The following DVL3 variants were observed in gnomAD, a reference collection of about 807,000 sequenced individuals.
DVL3 encodes the protein segment polarity protein dishevelled homolog DVL-3.
DVL3 carries 27 observed loss-of-function variants against 67.4 expected under a neutral mutation model. The ratio of observed to expected loss-of-function variants is 0.40; its 90% CI spans 0.30 to 0.55. The LOEUF (loss-of-function observed/expected upper bound fraction) is 0.55. DVL3 is among the 20% of genes least tolerant of loss of function. The pLI is 0.46. For missense variants in DVL3, 819 were observed against 1,021.5 expected (o/e 0.80, Z 2.70); for synonymous variants, 369 against 396.8 (o/e 0.93, Z 0.83).
Position 184,170,049 on chromosome 3 carries a change from C to T in DVL3, c.1542C>T (p.Gly514=), listed in dbSNP as rs781638795. 11 of 1,612,960 alleles carry T rather than the reference C, an allele frequency of 6.8e-6. No homozygotes were observed. Among genetic ancestry groups the T allele is most frequent in the Admixed American group, 1.7e-5 (1 of 59,900 alleles). ...LSLHDHDGSS[G]ASDQDTLAPL... Reference sequence around the variant, plus strand: ...TCCACGATCACGATGGCTCCAGTGGCGCCTCTGACCAGGACACACTGGCCC... The same window carrying T: ...TCCACGATCACGATGGCTCCAGTGGTGCCTCTGACCAGGACACACTGGCCC... The change falls in exon 14 of 15, where the codon GGC becomes GGT. Residue 514 remains glycine (G), a synonymous_variant. Coordinates refer to ENST00000313143, the MANE Select transcript of DVL3 (RefSeq NM_004423.4). This position sits in a 1 kb window ranked among gnomAD's most constrained non-coding sequence, Gnocchi z 6.5.
At position 184,170,231 on chromosome 3, in the gene DVL3, A is replaced by T; in HGVS notation, c.1714+10A>T. 1 of 1,611,902 alleles carries T rather than the reference A, an allele frequency of 6.2e-7. No homozygotes were observed. Among genetic ancestry groups the T allele is most frequent in the Non-Finnish European group, 8.5e-7 (1 of 1,179,432 alleles). ...AGTCAGCACAGCGAAGGTAAGGTAG[A>T]GGGGCCGTGGAGGAAGGCTATAGGT... On this transcript the variant is annotated intron_variant, in intron 14 of 14. Coordinates refer to ENST00000313143, the MANE Select transcript of DVL3 (RefSeq NM_004423.4). This position sits in a 1 kb window ranked among gnomAD's most constrained non-coding sequence, Gnocchi z 6.5.
rs1481547575 is a variant in DVL3, at chr3:184,156,318, G to T, written c.161+522G>T. The T allele has an allele frequency of 6.6e-6, 3 of 456,134 alleles. No individual in the cohort carries two copies. The East Asian group carries it at 2.1e-4, about 32-fold the overall frequency. 28.3% of individuals were successfully genotyped at this position (456,134 alleles called of 1,614,324 possible). On this transcript the variant is annotated intron_variant, in intron 1 of 14. Transcript: ENST00000313143. Reference sequence around the variant, plus strand: ...GGAGGGGTGTCGGGGGTGCTCGGGCGCCTGGCCGCGAGCGGGGTCTGCAGA... The same window carrying T: ...GGAGGGGTGTCGGGGGTGCTCGGGCTCCTGGCCGCGAGCGGGGTCTGCAGA...
rs886589871 is a variant in DVL3, at chr3:184,163,256, C to T, written c.162-401C>T. On this transcript the variant is annotated intron_variant, in intron 1 of 14. Coordinates refer to ENST00000313143, the MANE Select transcript of DVL3 (RefSeq NM_004423.4). The surrounding 1 kb of genome is among the most constrained non-coding windows in gnomAD (Gnocchi z 4.5). ...TCCCACAACAATGTTAGGATTCCCA[C>T]TTAAGAAAGGAAGGACAGTTATAAT... 1.3e-5 allele frequency among the ~76,000 whole-genome samples: 2 copies of T among 152,152 alleles called. No homozygotes were observed. The highest frequency in any genetic ancestry group is 3.8e-4 in the East Asian group (2 of 5,200).
Position 184,167,505 on chromosome 3 carries a change from G to A in DVL3, c.1199-75G>A. 3 of 1,415,752 alleles carry A rather than the reference G, an allele frequency of 2.1e-6. No homozygotes were observed. The South Asian group carries it at 3.6e-5, about 17-fold the overall frequency. 87.7% of individuals were successfully genotyped at this position (1,415,752 alleles called of 1,614,324 possible). On this transcript the variant is annotated intron_variant, in intron 11 of 14. Coordinates refer to ENST00000313143, the MANE Select transcript of DVL3 (RefSeq NM_004423.4). The surrounding 1 kb of genome is among the most constrained non-coding windows in gnomAD (Gnocchi z 4.6). ...TTGATCCCATAATTACTAGATGGTA[G>A]AGCTAGAATGCAAACTCTTGTTTAC...
Position 184,167,758 on chromosome 3 carries a change from G to A in DVL3, c.1330+47G>A, listed in dbSNP as rs1409996738. On this transcript the variant is annotated intron_variant, in intron 12 of 14. Transcript: ENST00000313143. The surrounding 1 kb of genome is among the most constrained non-coding windows in gnomAD (Gnocchi z 4.6). ...ATGCAGGGTGGGTGGGGAGTGATGGGGCAGGGCAGGCCGGAGGGCCCAGGA... is the reference window on the plus strand; with the variant it reads ...ATGCAGGGTGGGTGGGGAGTGATGGAGCAGGGCAGGCCGGAGGGCCCAGGA... 2 of 1,591,598 alleles carry A rather than the reference G, an allele frequency of 1.3e-6. No homozygotes were observed. Among genetic ancestry groups the A allele is most frequent in the East Asian group, 2.2e-5 (1 of 44,760 alleles).
Position 184,172,613 on chromosome 3 carries a change from A to C in DVL3, c.*1858A>C, listed in dbSNP as rs918561902. On this transcript the variant is annotated 3_prime_UTR_variant, in exon 15 of 15. Coordinates refer to ENST00000313143, the MANE Select transcript of DVL3 (RefSeq NM_004423.4). ...GATGGGTGTTTTGGCACCTGCCTGT[A>C]ATCTCAGCTACTCAGGAGGCTGAGG... The C allele has an allele frequency of 6.6e-6, 1 of 152,212 alleles. No homozygotes were observed. 9.4% of individuals were successfully genotyped at this position (152,212 alleles called of 1,614,324 possible).
Position 184,165,168 on chromosome 3 carries a change from C to A in DVL3, c.655C>A (p.Arg219=). 1 of 1,603,674 alleles carries A rather than the reference C, an allele frequency of 6.2e-7. No homozygotes were observed. The highest frequency in any genetic ancestry group is 1.1e-5 in the South Asian group (1 of 89,662). ...CTCACGCCTGATGAGAAGACACAAG[C>A]GGCGGCGGCGGAAGCAGAAGGTTTC... ...SASRLMRRHK[R]RRRKQKVSRI... Residue 219 remains arginine, a synonymous_variant, in exon 6 of 15, where the codon CGG becomes AGG. Coordinates refer to ENST00000313143, the MANE Select transcript of DVL3 (RefSeq NM_004423.4). The surrounding 1 kb of genome is among the most constrained non-coding windows in gnomAD (Gnocchi z 4.1).
intron 1 of DVL3, among the ~76,000 whole-genome samples, chr3:184,157,380 T>G (rs1714236096): frequency 6.6e-6 from 1 of 152,170 alleles, no homozygotes; most frequent in Admixed American, 6.5e-5. Context: ...CAGATCCAGA[T>G]GCCTTGAGGG....
rs1300435004 is a variant in DVL3, at chr3:184,164,285, T to C, written c.250T>C (p.Ser84Pro). The C allele has an allele frequency of 1.2e-6, 2 of 1,614,046 alleles. No individual in the cohort carries two copies. The highest frequency in any genetic ancestry group is 1.7e-6 in the Non-Finnish European group (2 of 1,179,958). The change falls in exon 3 of 15, where the codon TCA becomes CCA. Residue 84 changes from serine (S) to proline (P), a missense_variant. By Grantham distance (74) the Ser-to-Pro change is moderately conservative. Transcript: ENST00000313143. This position sits in a 1 kb window ranked among gnomAD's most constrained non-coding sequence, Gnocchi z 5.3. Reference protein sequence around the residue: ...VVSWLVSAEGSHPDPAPFCAD... With the variant: ...VVSWLVSAEGPHPDPAPFCAD... ...CTTTCAGCTGGTGTCAGCTGAGGGC[T>C]CACACCCAGACCCAGCCCCCTTCTG...
chr3:184,162,560 CTTTTTTT>C (rs35869796), intron 1 of DVL3, among the ~76,000 whole-genome samples: 4 of 123,544 alleles, frequency 3.2e-5, no homozygotes, highest in East Asian at 2.3e-4. Flanking sequence ...TTTTTCTTTT[CTTTTTTT>C]TTTTTTTTTT....
intron 13 of DVL3, among the ~76,000 whole-genome samples, chr3:184,168,755 C>G (rs1181629552): frequency 2.6e-5 from 4 of 152,304 alleles, no homozygotes; most frequent in African/African-American, 9.6e-5. Flanking sequence ...GCTCTGGGAC[C>G]TGGTACCGAT....
At position 184,166,363 on chromosome 3, in the gene DVL3, G is replaced by T. The variant is rs1714589616; in HGVS notation, c.904-83G>T. On this transcript the variant is annotated intron_variant, in intron 8 of 14. Transcript: ENST00000313143. The surrounding 1 kb of genome is among the most constrained non-coding windows in gnomAD (Gnocchi z 6.7). ...TTCAGAGGCCCCTTCTTGGTTGGGG[G>T]AAGACTCCCTGACCTACCAAGTTGA... The T allele has an allele frequency of 6.2e-7, 1 of 1,607,776 alleles. No individual in the cohort carries two copies. Among genetic ancestry groups the T allele is most frequent in the East Asian group, 2.2e-5 (1 of 44,800 alleles).
At chr3:184,156,200 G>A (rs907656094) in intron 1 of DVL3, among the ~76,000 whole-genome samples, 1 of 152,048 alleles carries the variant, frequency 6.6e-6, no homozygotes, top group Non-Finnish European at 1.5e-5. Context: ...TGTGGCCCTC[G>A]TTCTTCGCCC....
At chr3:184,158,455 A>G (rs78281562) in intron 1 of DVL3, among the ~76,000 whole-genome samples, 3,116 of 152,272 alleles carry the variant, frequency 0.02, 106 homozygotes, top group African/African-American at 0.071. Context: ...CAAAAATCTA[A>G]ATCCTTAATC....
chr3:184,166,247 A>G lies in DVL3; in HGVS notation c.885A>G (p.Pro295=), dbSNP rs1306714746. The change falls in exon 8 of 15, where the codon CCA becomes CCG. Residue 295 remains proline, a synonymous_variant. Coordinates refer to ENST00000313143, the MANE Select transcript of DVL3 (RefSeq NM_004423.4). This position sits in a 1 kb window ranked among gnomAD's most constrained non-coding sequence, Gnocchi z 6.7. ...TGGCTGCTGATGGACGCATCGAGCC[A>G]GGAGATATGTTGTTACAGGTATCAG... ...GAVAADGRIE[P]GDMLLQVNEI... is the part of the protein sequence containing the mutation. The G allele has an allele frequency of 1.4e-5, 23 of 1,612,850 alleles. No individual in the cohort carries two copies. Among genetic ancestry groups the G allele is most frequent in the East Asian group, 1.1e-4 (5 of 44,876 alleles).
In DVL3 at chr3:184,163,458, G is replaced by A. The variant is rs1401141974; in HGVS notation, c.162-199G>A. Among the ~76,000 whole-genome samples the A allele has an allele frequency of 6.6e-6, 1 of 152,146 alleles. No individual in the cohort carries two copies. Among genetic ancestry groups the A allele is most frequent in the African/African-American group, 2.4e-5 (1 of 41,438 alleles). ...GAGAGGATGCCCCGGGAAGGTATCT[G>A]GCCTAGGCAGGGCTGGTGTCTTCCT... On this transcript the variant is annotated intron_variant, in intron 1 of 14. Coordinates refer to ENST00000313143, the MANE Select transcript of DVL3 (RefSeq NM_004423.4). This position sits in a 1 kb window ranked among gnomAD's most constrained non-coding sequence, Gnocchi z 4.5.
In DVL3 at chr3:184,171,098, T is replaced by G; in HGVS notation, c.*343T>G. On this transcript the variant is annotated 3_prime_UTR_variant, in exon 15 of 15. Transcript: ENST00000313143. ...TGGGAGTTGACCCCAGCAATGACCT[T>G]GGTGGCACGCTCACTCCCTCATTCT... 1 of 1,222,478 alleles carries G rather than the reference T, an allele frequency of 8.2e-7. No homozygotes were observed. The highest frequency in any genetic ancestry group is 1.0e-6 in the Non-Finnish European group (1 of 967,616). The allele number at this position is 1,222,478 out of a possible 1,614,324, so 75.7% of individuals were successfully genotyped here. A position where few individuals can be genotyped will look rare whatever the true frequency, so the allele number is the denominator to read the frequency against.
In DVL3 at chr3:184,164,817, C is replaced by T. The variant is rs371541138; in HGVS notation, c.485C>T (p.Ala162Val). 98 of 1,614,044 alleles carry T rather than the reference C, an allele frequency of 6.1e-5. No homozygotes were observed. The highest frequency in any genetic ancestry group is 1.3e-4 in the African/African-American group (10 of 74,916). The change falls in exon 5 of 15, where the codon GCG becomes GTG. Residue 162 changes from alanine (A) to valine (V), a missense_variant. By Grantham distance (64) the Ala-to-Val change is moderately conservative. This residue lies in a region of DVL3 where 385 missense variants were observed against 486.8 expected (regional missense o/e 0.79). Transcript: ENST00000313143. This position sits in a 1 kb window ranked among gnomAD's most constrained non-coding sequence, Gnocchi z 5.3. ...PEHATRLNGT[A>V]KGERRREPGG... is the part of the protein sequence containing the mutation. The stretch of plus-strand genomic sequence containing the variant: ...GCAGCAACCCGGCTAAATGGAACTG[C>T]GAAGGGGGAACGGCGGCGAGAACCA...
chr3:184,163,261 G>A lies in DVL3; in HGVS notation c.162-396G>A, dbSNP rs1714447286. On this transcript the variant is annotated intron_variant, in intron 1 of 14. Coordinates refer to ENST00000313143, the MANE Select transcript of DVL3 (RefSeq NM_004423.4). This position sits in a 1 kb window ranked among gnomAD's most constrained non-coding sequence, Gnocchi z 4.5. ...CAACAATGTTAGGATTCCCACTTAA[G>A]AAAGGAAGGACAGTTATAATTGTAT... Among the ~76,000 whole-genome samples the A allele has an allele frequency of 6.6e-6, 1 of 152,180 alleles. No individual in the cohort carries two copies. Among genetic ancestry groups the A allele is most frequent in the Admixed American group, 6.5e-5 (1 of 15,282 alleles).
Sources: allele counts gnomAD v4.1 joint callset (sites outside exome capture counted in the v4.1 genomes callset), GRCh38; gene constraint gnomAD v4.1.1; regional missense constraint gnomAD v4.1.1; non-coding constraint Gnocchi (gnomAD v3.1); transcripts MANE v1.5; gene names NCBI Gene and HGNC (gene_info 2026-07-23, HGNC 2026-07-21).